SUCLG2: variants seen among roughly 807,000 people sequenced by gnomAD.
SUCLG2 encodes succinate--CoA ligase [GDP-forming] subunit beta, mitochondrial.
SUCLG2 carries 42 observed loss-of-function variants against 47.9 expected under a neutral mutation model. The ratio of observed to expected loss-of-function variants is 0.88; its 90% CI spans 0.69 to 1.14. SUCLG2 has a LOEUF of 1.14. Ranked by LOEUF, SUCLG2 falls within the 50% of genes most tolerant of loss-of-function variation. The probability of loss-of-function intolerance (pLI) is 0.00; values close to 1 mark genes in which losing one functional copy is unlikely to be tolerated. For synonymous variants in SUCLG2, 195 were observed against 197.3 expected, an observed-to-expected ratio of 0.99 and a Z score of 0.10; for missense variants, 571 against 525.9, an observed-to-expected ratio of 1.09 and a Z score of -0.84.
intron 9 of SUCLG2, among the ~76,000 whole-genome samples, chr3:67,446,420 T>G (rs1274159586): frequency 0.091 from 3,988 of 43,646 alleles, 348 homozygotes; most frequent in East Asian, 0.26. Flanking sequence ...TATGTACATT[T>G]TTTTTTTTTT....
intron 2 of SUCLG2, among the ~76,000 whole-genome samples, chr3:67,584,459 T>C (rs1707960466): frequency 6.6e-6 from 1 of 152,234 alleles, no homozygotes; most frequent in Non-Finnish European, 1.5e-5. Flanking sequence ...ACTACAGTGA[T>C]GGTTATATAA....
At position 67,518,267 on chromosome 3, in the gene SUCLG2, C is replaced by T. The variant is rs188443251; in HGVS notation, c.640G>A (p.Val214Ile). 51 of 1,612,280 alleles carry T rather than the reference C, an allele frequency of 3.2e-5. No homozygotes were observed. Among genetic ancestry groups the T allele is most frequent in the South Asian group, 4.4e-5 (4 of 90,688 alleles). The change falls in exon 6 of 11, where the codon GTT (valine) becomes ATT (isoleucine). Residue 214 changes from valine to isoleucine, a missense_variant. Coordinates refer to ENST00000307227, the MANE Select transcript of SUCLG2 (RefSeq NM_003848.4). ...AQRMAENLGFVGPLKSQAADQ... is the reference protein window; with the variant it reads ...AQRMAENLGFIGPLKSQAADQ... ...TATACCTGGCTTTTCAAAGGCCCAACGAAGCCTAGATTTTCGGCCATCCGC... is the reference window on the plus strand; with the variant it reads ...TATACCTGGCTTTTCAAAGGCCCAATGAAGCCTAGATTTTCGGCCATCCGC...
chr3:67,553,581 C>G (rs1312578728), intron 2 of SUCLG2, among the ~76,000 whole-genome samples: 1 of 152,124 alleles, frequency 6.6e-6, no homozygotes, highest in Non-Finnish European at 1.5e-5. Context: ...TTTTCTTAAA[C>G]ATTTTAAACT....
Position 67,404,973 on chromosome 3 carries a change from T to TC in SUCLG2, c.1063-4123_1063-4122insG, listed in dbSNP as rs1413087400. On this transcript the variant is annotated intron_variant, in intron 9 of 10. Coordinates refer to ENST00000307227, the MANE Select transcript of SUCLG2 (RefSeq NM_003848.4). ...CCAGCCCCCTGGCAAAGAGAATTTTTTTTTTTTTTTTTTTTTAAGAATTCA... is the reference window on the plus strand; with the variant it reads ...CCAGCCCCCTGGCAAAGAGAATTTTTCTTTTTTTTTTTTTTTTAAGAATTCA... 2.6e-5 allele frequency among the ~76,000 whole-genome samples: 4 copies of TC among 151,624 alleles called. No homozygotes were observed. The South Asian group carries it at 8.4e-4, about 32-fold the overall frequency.
At chr3:67,543,309 A>T (rs954479633) in intron 2 of SUCLG2, among the ~76,000 whole-genome samples, 13 of 152,222 alleles carry the variant, frequency 8.5e-5, no homozygotes, top group African/African-American at 3.1e-4. Flanking sequence ...AGCATTTTTT[A>T]AAAAATACAC....
chr3:67,508,690 T>C, intron 7 of SUCLG2, 117 bp downstream of exon 7: 1 of 782,610 alleles, frequency 1.3e-6, no homozygotes, highest in Non-Finnish European at 2.0e-6. Flanking sequence ...ATGGCAGAAA[T>C]TAAATTACTG....
chr3:67,620,136 G>C (rs954593434), intron 1 of SUCLG2, among the ~76,000 whole-genome samples: 1 of 152,170 alleles, frequency 6.6e-6, no homozygotes, highest in Non-Finnish European at 1.5e-5. Flanking sequence ...TGGTCACTGT[G>C]TTTGACATCC....
chr3:67,591,880 T>C (rs1283086544), intron 2 of SUCLG2, among the ~76,000 whole-genome samples: 1 of 152,240 alleles, frequency 6.6e-6, no homozygotes, highest in African/African-American at 2.4e-5. Flanking sequence ...TCCAATTTTC[T>C]ATGTAATTAA....
At chr3:67,598,852 T>C (rs1008011487) in intron 2 of SUCLG2, among the ~76,000 whole-genome samples, 2 of 152,132 alleles carry the variant, frequency 1.3e-5, no homozygotes, top group African/African-American at 4.8e-5. Flanking sequence ...GATGAGGAAA[T>C]GGAGCCTTCG....
rs115290660 is a variant in SUCLG2 at position 67,448,739 on chromosome 3, G to A, written c.1062+47059C>T. Reference sequence around the variant, plus strand: ...TATCAGAAATATGAAAGTTCATAAGGACATATAGCTGGTACTAGGAAACAA... The same window carrying A: ...TATCAGAAATATGAAAGTTCATAAGAACATATAGCTGGTACTAGGAAACAA... On this transcript the variant is annotated intron_variant, in intron 9 of 10. Transcript: ENST00000307227. 4.2e-3 allele frequency among the ~76,000 whole-genome samples: 641 copies of A among 152,242 alleles called. 4 individuals carry two copies. The highest frequency in any genetic ancestry group is 0.015 in the African/African-American group (617 of 41,534).
intron 1 of SUCLG2, among the ~76,000 whole-genome samples, chr3:67,627,501 G>T (rs1336561151): frequency 6.6e-6 from 1 of 152,220 alleles, no homozygotes; most frequent in Non-Finnish European, 1.5e-5. Context: ...GCCATTATCA[G>T]TGACGTGCCA....
chr3:67,637,378 C>T (rs1020326131), intron 1 of SUCLG2, among the ~76,000 whole-genome samples: 5 of 152,154 alleles, frequency 3.3e-5, no homozygotes, highest in South Asian at 4.1e-4. Flanking sequence ...TTAATAACCA[C>T]TTGCTTCCAC....
chr3:67,554,918 G>A (rs1427484960), intron 2 of SUCLG2, among the ~76,000 whole-genome samples: 1 of 152,152 alleles, frequency 6.6e-6, no homozygotes, highest in Non-Finnish European at 1.5e-5. Flanking sequence ...TAGAAGAAGT[G>A]TTGTGAAGAT....
intron 9 of SUCLG2, among the ~76,000 whole-genome samples, chr3:67,485,034 T>C (rs1705015854): frequency 6.6e-6 from 1 of 152,182 alleles, no homozygotes; most frequent in African/African-American, 2.4e-5. Flanking sequence ...CTGACCTGAA[T>C]ATACCAGGAA....
intron 9 of SUCLG2, among the ~76,000 whole-genome samples, chr3:67,413,367 C>A (rs1287644412): frequency 6.6e-6 from 1 of 152,172 alleles, no homozygotes; most frequent in Admixed American, 6.5e-5. Flanking sequence ...CTCAATAAGA[C>A]TGAATCCCCA....
At chr3:67,422,624 T>C (rs1306864673) in intron 9 of SUCLG2, among the ~76,000 whole-genome samples, 3 of 151,928 alleles carry the variant, frequency 2.0e-5, no homozygotes, top group African/African-American at 7.3e-5. Context: ...TTTTATAATC[T>C]AGTGGTGAAC....
chr3:67,490,466 C>T (rs947845672), intron 9 of SUCLG2, among the ~76,000 whole-genome samples: 2 of 152,152 alleles, frequency 1.3e-5, no homozygotes, highest in South Asian at 2.1e-4. Flanking sequence ...GTTCTTCTTT[C>T]AAACATGAAT....
chr3:67,385,165 C>G (rs1057286370), intron 10 of SUCLG2, among the ~76,000 whole-genome samples: 1 of 152,186 alleles, frequency 6.6e-6, no homozygotes, highest in Non-Finnish European at 1.5e-5. Flanking sequence ...CCCGAGAGCA[C>G]GCAGTGGTGT....
intron 2 of SUCLG2, among the ~76,000 whole-genome samples, chr3:67,543,138 A>C (rs1225184300): frequency 1.3e-5 from 2 of 152,214 alleles, no homozygotes; most frequent in Admixed American, 6.5e-5. Flanking sequence ...GTGCAATCAA[A>C]TTAGAACTCA....
Sources: gnomAD v4.1 joint callset for allele counts (sites outside exome capture counted in the v4.1 genomes callset) on GRCh38, gnomAD v4.1.1 for gene constraint, MANE v1.5 for transcripts, NCBI Gene and HGNC (gene_info 2026-07-23, HGNC 2026-07-21) for gene names.